Variants in EPHA7 observed in about 807,000 individuals in gnomAD.
EPHA7 encodes the protein EPH receptor A7.
In EPHA7, 25 loss-of-function variants were observed where a neutral mutation model predicts 112.6. The ratio of observed to expected loss-of-function variants is 0.22; its 90% CI spans 0.16 to 0.31. The LOEUF (loss-of-function observed/expected upper bound fraction) is 0.31, where lower values mean the gene tolerates loss of function less well. Among genes scored for constraint, EPHA7 ranks in the 10% least tolerant of loss-of-function variants. EPHA7 has a pLI of 1.00. For missense variants in EPHA7, 962 were observed against 1,212.6 expected (o/e 0.79, Z 3.07); for synonymous variants, 437 against 406.5 (o/e 1.07, Z -0.90).
chr6:93,278,874 G>A (rs79529341), intron 5 of EPHA7, among the ~76,000 whole-genome samples: 5,790 of 151,880 alleles, frequency 0.038, 371 homozygotes, highest in African/African-American at 0.13. Context: ...CTTCCTGAGA[G>A]CAGAAACTAG....
chr6:93,344,199 T>C (rs192019134), intron 5 of EPHA7, among the ~76,000 whole-genome samples: 283 of 151,790 alleles, frequency 1.9e-3, no homozygotes, highest in Non-Finnish European at 3.0e-3. Flanking sequence ...TGTTATAGCA[T>C]TTAATATTAA....
chr6:93,335,785 T>C (rs76937852), intron 5 of EPHA7, among the ~76,000 whole-genome samples: 10,124 of 152,120 alleles, frequency 0.067, 489 homozygotes, highest in African/African-American at 0.14. Flanking sequence ...ACATTATTTT[T>C]CTTTGTATTT....
intron 5 of EPHA7, among the ~76,000 whole-genome samples, chr6:93,310,984 G>GT (rs1256082748): frequency 6.6e-6 from 1 of 151,314 alleles, no homozygotes; most frequent in African/African-American, 2.4e-5. Context: ...TTTTTGTTTT[G>GT]TTTTTTGAGT....
chr6:93,294,036 G>T (rs546946652), intron 5 of EPHA7, among the ~76,000 whole-genome samples: 1 of 152,256 alleles, frequency 6.6e-6, no homozygotes, highest in South Asian at 2.1e-4. Context: ...ATTATGGACA[G>T]GAGATTTATG....
chr6:93,409,049 T>TTTTCAATGTCACATCTC (rs1383560572), intron 3 of EPHA7, among the ~76,000 whole-genome samples: 1 of 152,036 alleles, frequency 6.6e-6, no homozygotes, highest in African/African-American at 2.4e-5. Flanking sequence ...TCTCAATGTT[T>TTTTCAATGTCACATCTC]AATAGTCATT....
intron 5 of EPHA7, among the ~76,000 whole-genome samples, chr6:93,319,870 G>A (rs994148067): frequency 1.3e-5 from 2 of 151,850 alleles, no homozygotes; most frequent in Admixed American, 1.3e-4. Flanking sequence ...ATTGATAACT[G>A]ACAATTATAA....
chr6:93,317,899 T>C (rs1328834801), intron 5 of EPHA7, among the ~76,000 whole-genome samples: 1 of 152,178 alleles, frequency 6.6e-6, no homozygotes, highest in Non-Finnish European at 1.5e-5. Flanking sequence ...GAATTGGAAC[T>C]CTTCATCCTC....
intron 9 of EPHA7, chr6:93,260,658 G>C (rs1770645437): frequency 2.0e-6 from 2 of 976,108 alleles, no homozygotes; most frequent in Non-Finnish European, 2.4e-6. Context: ...ATGTATAAAG[G>C]AAAATGGGAT....
intron 5 of EPHA7, among the ~76,000 whole-genome samples, chr6:93,289,593 G>A (rs75349282): frequency 0.068 from 10,372 of 151,736 alleles, 533 homozygotes; most frequent in Admixed American, 0.13. Context: ...CACTGCACTG[G>A]AGCCTGGGTG....
In EPHA7 at chr6:93,241,500, A is replaced by C. The variant is rs1280769635; in HGVS notation, c.*1926T>G. The C allele has an allele frequency of 4.6e-6, 1 of 215,464 alleles. No individual in the cohort carries two copies. Among genetic ancestry groups the C allele is most frequent in the Non-Finnish European group, 9.4e-6 (1 of 106,560 alleles). 13.3% of individuals were successfully genotyped at this position (215,464 alleles called of 1,614,324 possible). A position where few individuals can be genotyped will look rare whatever the true frequency, so the allele number is the denominator to read the frequency against. ...TCTAGGTGACTGTATTATGCTAATT[A>C]AAATTATTTTTACAGATTACTTTTC... is the stretch of plus-strand genomic sequence containing the variant. On this transcript the variant is annotated 3_prime_UTR_variant, in exon 17 of 17. Coordinates refer to ENST00000369303, the MANE Select transcript of EPHA7 (RefSeq NM_004440.4).
intron 3 of EPHA7, among the ~76,000 whole-genome samples, chr6:93,397,101 T>C (rs1778216094): frequency 6.6e-6 from 1 of 151,686 alleles, no homozygotes; most frequent in African/African-American, 2.4e-5. Context: ...TCTAGATGTA[T>C]CATTAACCGC....
chr6:93,286,249 C>T (rs368675951), intron 5 of EPHA7, among the ~76,000 whole-genome samples: 84 of 152,106 alleles, frequency 5.5e-4, no homozygotes, highest in African/African-American at 2.0e-3. Flanking sequence ...ACAGATGATT[C>T]TCATGGCCTT....
chr6:93,309,725 C>T (rs559477421), intron 5 of EPHA7, among the ~76,000 whole-genome samples: 1 of 152,062 alleles, frequency 6.6e-6, no homozygotes, highest in African/African-American at 2.4e-5. Context: ...ACATTCTATA[C>T]TTAAGATCAA....
At chr6:93,305,345 C>T (rs1038942221) in intron 5 of EPHA7, among the ~76,000 whole-genome samples, 22 of 151,514 alleles carry the variant, frequency 1.5e-4, no homozygotes, top group African/African-American at 4.6e-4. Context: ...AAGTAAGAGG[C>T]TGAAGCAGTT....
chr6:93,336,984 A>G (rs1023905955), intron 5 of EPHA7, among the ~76,000 whole-genome samples: 3 of 152,124 alleles, frequency 2.0e-5, no homozygotes, highest in African/African-American at 7.2e-5. Context: ...AAGTAGTTAG[A>G]AAAAAGACAT....
At chr6:93,419,090 C>CA (rs1414276256) in intron 1 of EPHA7, among the ~76,000 whole-genome samples, 155 bp downstream of exon 1, 1 of 152,162 alleles carries the variant, frequency 6.6e-6, no homozygotes, top group Non-Finnish European at 1.5e-5. Context: ...GCTGGTCCGC[C>CA]AGGAGCGGCC....
intron 5 of EPHA7, among the ~76,000 whole-genome samples, chr6:93,291,540 G>A (rs1582459934): frequency 6.6e-6 from 1 of 151,552 alleles, no homozygotes; most frequent in African/African-American, 2.4e-5. Context: ...AGGCCGAGGC[G>A]GGCGGATCAC....
intron 5 of EPHA7, among the ~76,000 whole-genome samples, chr6:93,311,807 A>G (rs1773555781): frequency 6.6e-6 from 1 of 152,222 alleles, no homozygotes; most frequent in Non-Finnish European, 1.5e-5. Flanking sequence ...TTTATTAAAA[A>G]AGACTTGAAA....
chr6:93,280,429 A>C (rs531075582), intron 5 of EPHA7, among the ~76,000 whole-genome samples: 3 of 152,330 alleles, frequency 2.0e-5, no homozygotes, highest in African/African-American at 7.2e-5. Context: ...GGCCTCCACC[A>C]ATAACCAACA....
Sources: gnomAD v4.1 joint callset for allele counts (sites outside exome capture counted in the v4.1 genomes callset) on GRCh38, gnomAD v4.1.1 for gene constraint, MANE v1.5 for transcripts, NCBI Gene and HGNC (gene_info 2026-07-23, HGNC 2026-07-21) for gene names.